Variants in ANO4 observed in about 807,000 individuals in gnomAD.
ANO4 encodes anoctamin-4.
A neutral mutation model predicts 141.9 loss-of-function variants in ANO4; 69 were observed. The observed-to-expected ratio is 0.49, with a 90% CI of 0.40 to 0.59. ANO4 has a LOEUF of 0.59. ANO4 is among the 20% of genes least tolerant of loss of function. The pLI, the probability that ANO4 is intolerant of heterozygous loss-of-function variation, is 0.00. For synonymous variants in ANO4, 350 were observed against 394.3 expected, an observed-to-expected ratio of 0.89 and a Z score of 1.33; for missense variants, 894 against 1,162.2, an observed-to-expected ratio of 0.77 and a Z score of 3.36.
intron 1 of ANO4, among the ~76,000 whole-genome samples, chr12:100,877,398 A>G (rs527982381): frequency 2.6e-5 from 4 of 151,398 alleles, no homozygotes; most frequent in Non-Finnish European, 5.9e-5. Context: ...TAGCATAAAT[A>G]TATATAATTT....
chr12:100,783,482 T>C (rs1042908577), intron 3 of ANO4, among the ~76,000 whole-genome samples: 1 of 152,184 alleles, frequency 6.6e-6, no homozygotes, highest in Admixed American at 6.5e-5. Flanking sequence ...CAATTTGTTT[T>C]CTAAGAAGTT....
chr12:101,122,584 T>C (rs565389520), intron 26 of ANO4, among the ~76,000 whole-genome samples: 1 of 152,294 alleles, frequency 6.6e-6, no homozygotes, highest in African/African-American at 2.4e-5. Flanking sequence ...AGAAGTCCAG[T>C]TTCATTCTTC....
At chr12:100,877,247 AAAATTGCC>A (rs1443222653) in intron 1 of ANO4, among the ~76,000 whole-genome samples, 1 of 152,018 alleles carries the variant, frequency 6.6e-6, no homozygotes, top group African/African-American at 2.4e-5. Context: ...GGTATATTTG[AAAATTGCC>A]AAGAGATTAG....
At chr12:100,996,378 G>A (rs2045370075) in intron 8 of ANO4, among the ~76,000 whole-genome samples, 1 of 152,150 alleles carries the variant, frequency 6.6e-6, no homozygotes, top group South Asian at 2.1e-4. Flanking sequence ...GGGTCATGGA[G>A]GGTTTGTAAG....
rs368038308 is a variant in ANO4 at position 100,939,363 on chromosome 12, G to A, written c.209G>A (p.Ser70Asn). The stretch of plus-strand genomic sequence containing the variant: ...TTTGATGAATTAGAAGCTGTCAGCA[G>A]TCCTTGCAAAGATGACGATTCTCTT... ...ILFDELEAVS[S>N]PCKDDDSLLH... is the part of the protein sequence containing the mutation. The change falls in exon 4 of 28, where the codon AGT becomes AAT. Residue 70 changes from serine (S) to asparagine (N), a missense_variant. Ser to Asn is a conservative substitution (Grantham distance 46). Coordinates refer to ENST00000392977, the MANE Select transcript of ANO4 (RefSeq NM_001286615.2). The A allele has an allele frequency of 6.2e-7, 1 of 1,613,696 alleles. No individual in the cohort carries two copies. The highest frequency in any genetic ancestry group is 1.1e-5 in the South Asian group (1 of 91,042).
At chr12:100,957,694 G>C (rs1040033941) in intron 5 of ANO4, among the ~76,000 whole-genome samples, 1 of 152,152 alleles carries the variant, frequency 6.6e-6, no homozygotes, top group Non-Finnish European at 1.5e-5. Flanking sequence ...AGGTTCAAGC[G>C]ATTCTCACAC....
At chr12:100,726,424 G>T (rs2031123238) in intron 1 of ANO4, among the ~76,000 whole-genome samples, 1 of 152,132 alleles carries the variant, frequency 6.6e-6, no homozygotes, top group Non-Finnish European at 1.5e-5. Flanking sequence ...CCCATTCCTA[G>T]CGCAGGGCAG....
intron 1 of ANO4, among the ~76,000 whole-genome samples, chr12:100,854,418 A>G (rs2038054311): frequency 6.6e-6 from 1 of 151,936 alleles, no homozygotes. Context: ...TCTATTATGG[A>G]AAGTTTTCAA....
chr12:100,820,706 C>T (rs150065639), intron 1 of ANO4, among the ~76,000 whole-genome samples: 1 of 152,130 alleles, frequency 6.6e-6, no homozygotes, highest in East Asian at 1.9e-4. Context: ...TCTGAACTAC[C>T]TCCACCAGTG....
chr12:101,029,237 A>G (rs530980485), intron 9 of ANO4, among the ~76,000 whole-genome samples: 1 of 152,302 alleles, frequency 6.6e-6, no homozygotes, highest in South Asian at 2.1e-4. Context: ...ACACCAAAAT[A>G]TAAAGACCAA....
intron 3 of ANO4, among the ~76,000 whole-genome samples, chr12:100,771,829 A>C (rs2033314364): frequency 6.6e-6 from 1 of 152,228 alleles, no homozygotes; most frequent in Admixed American, 6.5e-5. Context: ...GAGTGTGGTC[A>C]GGCAGGAGGG....
At chr12:100,828,017 C>T (rs1009571677) in intron 1 of ANO4, among the ~76,000 whole-genome samples, 3 of 151,884 alleles carry the variant, frequency 2.0e-5, no homozygotes, top group Non-Finnish European at 4.4e-5. Flanking sequence ...AGTCTTAGTT[C>T]CAGAAACAAG....
At chr12:100,928,385 C>T (rs2041961814) in intron 3 of ANO4, among the ~76,000 whole-genome samples, 1 of 152,068 alleles carries the variant, frequency 6.6e-6, no homozygotes, top group Non-Finnish European at 1.5e-5. Flanking sequence ...TGTTGACTGC[C>T]ACCTTTGTCT....
intron 3 of ANO4, among the ~76,000 whole-genome samples, chr12:100,755,634 C>G (rs1409218578): frequency 6.6e-6 from 1 of 152,156 alleles, no homozygotes; most frequent in African/African-American, 2.4e-5. Context: ...TATGCCTGTA[C>G]TTTGTTTACG....
intron 3 of ANO4, among the ~76,000 whole-genome samples, chr12:100,755,316 T>G (rs1004385583): frequency 1.3e-5 from 2 of 152,134 alleles, no homozygotes; most frequent in African/African-American, 4.8e-5. Context: ...AAAGTCTGGT[T>G]CAGATGCCGA....
chr12:100,880,574 C>T (rs1022789929), intron 1 of ANO4, among the ~76,000 whole-genome samples: 1 of 152,182 alleles, frequency 6.6e-6, no homozygotes, highest in African/African-American at 2.4e-5. Flanking sequence ...TACAATAATA[C>T]AATCACAAGG....
intron 9 of ANO4, among the ~76,000 whole-genome samples, chr12:101,030,288 C>G (rs2046922862): frequency 6.6e-6 from 1 of 152,182 alleles, no homozygotes; most frequent in Non-Finnish European, 1.5e-5. Context: ...TCTCAGACTA[C>G]AGTGCAATCA....
intron 8 of ANO4, among the ~76,000 whole-genome samples, chr12:100,995,782 G>A (rs1158483953): frequency 6.6e-6 from 1 of 152,120 alleles, no homozygotes; most frequent in African/African-American, 2.4e-5. Flanking sequence ...TCTCCTACTA[G>A]ACCGTGAGCT....
chr12:100,869,149 A>G (rs1435295347), intron 1 of ANO4, among the ~76,000 whole-genome samples: 2 of 152,226 alleles, frequency 1.3e-5, no homozygotes, highest in Admixed American at 1.3e-4. Context: ...AGTATATCCC[A>G]TGAGTGAATT....
Sources: gnomAD v4.1 joint callset for allele counts (sites outside exome capture counted in the v4.1 genomes callset) on GRCh38, gnomAD v4.1.1 for gene constraint, MANE v1.5 for transcripts, NCBI Gene and HGNC (gene_info 2026-07-23, HGNC 2026-07-21) for gene names.